The following DNAJC21 variants were observed in gnomAD, a reference collection of about 807,000 sequenced individuals.
The protein encoded by DNAJC21 is DnaJ heat shock protein family (Hsp40) member C21, also known as dnaJ homolog subfamily C member 21.
Under a neutral mutation model 72.4 loss-of-function variants are expected in DNAJC21, and 63 were observed. The observed-to-expected ratio is 0.87, with a 90% CI of 0.71 to 1.07. The LOEUF (loss-of-function observed/expected upper bound fraction) is 1.07. Ranked by LOEUF, DNAJC21 falls within the 50% of genes least tolerant of loss-of-function variation. The probability of loss-of-function intolerance (pLI) is 0.00; values close to 1 mark genes in which losing one functional copy is unlikely to be tolerated. For missense variants in DNAJC21, 634 were observed against 644.8 expected (o/e 0.98, Z 0.18); for synonymous variants, 203 against 216.7 (o/e 0.94, Z 0.56).
At chr5:34,937,300 A>G (rs1470960493) in intron 4 of DNAJC21, 26 bp from the exon 5 acceptor site, 2 of 1,571,418 alleles carry the variant, frequency 1.3e-6, no homozygotes. Flanking sequence ...AAAGCGCAGA[A>G]GTTAATCTGT....
chr5:34,937,977 T>C (rs1289266254), intron 5 of DNAJC21, among the ~76,000 whole-genome samples: 1 of 152,048 alleles, frequency 6.6e-6, no homozygotes, highest in Non-Finnish European at 1.5e-5. Context: ...TTTGTATTTT[T>C]AGTAGTGACG....
Position 34,950,302 on chromosome 5 carries a change from A to C in DNAJC21, c.1318A>C (p.Ile440Leu). 6.2e-7 allele frequency: 1 copy of C among 1,613,262 alleles called. No individual in the cohort carries two copies. The highest frequency in any genetic ancestry group is 2.2e-5 in the East Asian group (1 of 44,796). The change falls in exon 10 of 12, where the codon ATC becomes CTC. Residue 440 changes from isoleucine to leucine, a missense_variant. Coordinates refer to ENST00000648817, the MANE Select transcript of DNAJC21 (RefSeq NM_001012339.3). Reference protein sequence around the residue: ...SPQENVSVTEIIKPCDDPKSE... With the variant: ...SPQENVSVTELIKPCDDPKSE... ...CCAGGAAAATGTCAGTGTCACAGAGATCATTAAACCATGTGATGATCCAAA... is the reference window on the plus strand; with the variant it reads ...CCAGGAAAATGTCAGTGTCACAGAGCTCATTAAACCATGTGATGATCCAAA...
At chr5:34,941,024 C>CT in intron 6 of DNAJC21, 72 bp from the exon 7 acceptor site, 1 of 1,235,570 alleles carries the variant, frequency 8.1e-7, no homozygotes, top group Non-Finnish European at 1.2e-6. Flanking sequence ...AATTTAATTT[C>CT]TAATTTGTTA....
chr5:34,946,846 A>G (rs1427417379), intron 9 of DNAJC21, among the ~76,000 whole-genome samples: 2 of 152,162 alleles, frequency 1.3e-5, no homozygotes, highest in African/African-American at 2.4e-5. Context: ...CATAGATTCT[A>G]TTGATTGCAA....
Position 34,935,844 on chromosome 5 carries a change from T to C in DNAJC21, c.315+11T>C. The stretch of plus-strand genomic sequence containing the variant: ...GGAGATGATGAAAAGGTAAGATAAA[T>C]GAACTCACCCTTGATTTCTCATCAA... On this transcript the variant is annotated intron_variant, in intron 3 of 11. Transcript: ENST00000648817. The C allele has an allele frequency of 6.2e-7, 1 of 1,613,754 alleles. No individual in the cohort carries two copies.
intron 7 of DNAJC21, 84 bp downstream of exon 7, chr5:34,941,267 G>T (rs1764980448): frequency 3.2e-6 from 4 of 1,238,392 alleles, no homozygotes; most frequent in Non-Finnish European, 4.7e-6. Context: ...GCACAGTCAT[G>T]ACTCACCACA....
chr5:34,946,887 T>G (rs1305894830), intron 9 of DNAJC21, among the ~76,000 whole-genome samples: 1 of 152,198 alleles, frequency 6.6e-6, no homozygotes, highest in East Asian at 1.9e-4. Flanking sequence ...ATTTTCTTAC[T>G]GATGAAAATG....
Position 34,950,174 on chromosome 5 carries a change from A to G in DNAJC21, c.1190A>G (p.Tyr397Cys). 1 of 1,603,144 alleles carries G rather than the reference A, an allele frequency of 6.2e-7. No homozygotes were observed. Among genetic ancestry groups the G allele is most frequent in the Non-Finnish European group, 8.5e-7 (1 of 1,176,474 alleles). ...KKKKQKPAQN[Y>C]DDNFNVNGPG... ...CACATATGTTTTATTACCTAGAATT[A>G]TGATGACAATTTCAATGTAAATGGA... The change falls in exon 10 of 12, where the codon TAT (tyrosine) becomes TGT (cysteine). Residue 397 changes from tyrosine (Y) to cysteine (C), a missense_variant. Transcript: ENST00000648817.
chr5:34,936,400 C>A, intron 4 of DNAJC21, 134 bp downstream of exon 4: 1 of 1,052,704 alleles, frequency 9.5e-7, no homozygotes, highest in Non-Finnish European at 1.3e-6. Context: ...CTCACAGCAG[C>A]CTCAAACTCC....
intron 9 of DNAJC21, among the ~76,000 whole-genome samples, chr5:34,947,090 A>G (rs1181337474): frequency 6.6e-6 from 1 of 152,158 alleles, no homozygotes; most frequent in African/African-American, 2.4e-5. Context: ...ACGGCAGCAA[A>G]TAATGAGTAT....
Position 34,949,618 on chromosome 5 carries a change from G to A in DNAJC21, c.1186-552G>A, listed in dbSNP as rs1009089271. 3 of 1,603,394 alleles carry A rather than the reference G, an allele frequency of 1.9e-6. No individual in the cohort carries two copies. The Admixed American group carries it at 5.1e-5, about 27-fold the overall frequency. ...TTGGGGAAAAAAGTGTGTGTTGGGA[G>A]AGAGAAGAGATGGAGAGAGCGAGCA... is the stretch of plus-strand genomic sequence containing the variant. On this transcript the variant is annotated intron_variant, in intron 9 of 11. Transcript: ENST00000648817.
intron 1 of DNAJC21, among the ~76,000 whole-genome samples, chr5:34,931,985 GTGA>G (rs1466878930): frequency 3.3e-5 from 5 of 152,218 alleles, no homozygotes; most frequent in African/African-American, 4.8e-5. Context: ...TGGCATCAGT[GTGA>G]TGGTATCTGA....
rs1765123135 is a variant in DNAJC21, at chr5:34,944,922, C to T, written c.1039C>T (p.Gln347Ter). The T allele has an allele frequency of 6.2e-7, 1 of 1,614,046 alleles. No homozygotes were observed. The highest frequency in any genetic ancestry group is 8.5e-7 in the Non-Finnish European group (1 of 1,180,004). Residue 347 changes from glutamine to a stop codon, truncating the protein, a stop_gained, in exon 8 of 12, where the codon CAA becomes TAA. Coordinates refer to ENST00000648817, the MANE Select transcript of DNAJC21 (RefSeq NM_001012339.3). LOFTEE classifies it high-confidence loss of function. ...KHREMVALLKQQLEEEEENFS... is the reference protein window; with the variant it reads ...KHREMVALLK Reference sequence around the variant, plus strand: ...TCGGGAAATGGTGGCCTTGCTAAAACAACAGCTGGAGGAGGAAGAAGAAAA... The same window carrying T: ...TCGGGAAATGGTGGCCTTGCTAAAATAACAGCTGGAGGAGGAAGAAGAAAA...
intron 7 of DNAJC21, among the ~76,000 whole-genome samples, chr5:34,942,454 A>G (rs965407671): frequency 1.3e-5 from 2 of 152,200 alleles, no homozygotes; most frequent in Non-Finnish European, 2.9e-5. Flanking sequence ...CATAAATGGT[A>G]TTACCATATG....
intron 9 of DNAJC21, chr5:34,949,737 A>G (rs1765297427): frequency 7.5e-6 from 12 of 1,605,272 alleles, no homozygotes; most frequent in Non-Finnish European, 1.0e-5. Flanking sequence ...TGTTGTTGCC[A>G]TTGTTTGTGA....
intron 1 of DNAJC21, chr5:34,930,237 G>C (rs1221504336): frequency 5.4e-6 from 1 of 186,154 alleles, no homozygotes; most frequent in African/African-American, 2.3e-5. Flanking sequence ...GGGAGCAGTC[G>C]GGAACTCGGA....
intron 7 of DNAJC21, among the ~76,000 whole-genome samples, chr5:34,944,520 G>A (rs1765107658): frequency 6.6e-6 from 1 of 152,088 alleles, no homozygotes; most frequent in African/African-American, 2.4e-5. Context: ...AAAATAATAA[G>A]TAGAGAATTT....
rs973404739 is a variant in DNAJC21 at position 34,949,416 on chromosome 5, CT to C, written c.1186-753del. The C allele has an allele frequency of 2.8e-6, 4 of 1,419,794 alleles. No individual in the cohort carries two copies. The African/African-American group carries it at 4.3e-5, about 15-fold the overall frequency. The allele number at this position is 1,419,794 out of a possible 1,614,324, so 87.9% of individuals were successfully genotyped here. A position where few individuals can be genotyped will look rare whatever the true frequency, so the allele number is the denominator to read the frequency against. On this transcript the variant is annotated intron_variant, in intron 9 of 11. Transcript: ENST00000648817. The stretch of plus-strand genomic sequence containing the variant: ...AACATGTGATCCTTGATTACACCCC[CT>C]ATCCTGTATATCCCTATACAGGAAA...
intron 10 of DNAJC21, 140 bp from the exon 11 acceptor site, chr5:34,953,786 T>C (rs1213370772): frequency 2.2e-6 from 1 of 452,930 alleles, no homozygotes; most frequent in South Asian, 8.9e-5. Flanking sequence ...GATGTAAAGA[T>C]TATTTAAATT....
Sources: gnomAD v4.1 joint callset for allele counts (sites outside exome capture counted in the v4.1 genomes callset) on GRCh38, gnomAD v4.1.1 for gene constraint, MANE v1.5 for transcripts, NCBI Gene and HGNC (gene_info 2026-07-23, HGNC 2026-07-21) for gene names.